AGBL1: variants seen among roughly 807,000 people sequenced by gnomAD.
AGBL1 encodes AGBL carboxypeptidase 1.
A neutral mutation model predicts 118.9 loss-of-function variants in AGBL1; 130 were observed. That is an observed-to-expected ratio of 1.09 (90% CI 0.95 to 1.26). AGBL1 has a LOEUF of 1.26. Ranked by LOEUF, AGBL1 falls within the 50% of genes most tolerant of loss-of-function variation. AGBL1 has a pLI of 0.00. For synonymous variants in AGBL1, 555 were observed against 478.9 expected, an observed-to-expected ratio of 1.16 and a Z score of -2.08; for missense variants, 1,584 against 1,298.1, an observed-to-expected ratio of 1.22 and a Z score of -3.38.
intron 17 of AGBL1, among the ~76,000 whole-genome samples, chr15:86,313,895 G>T (rs1046383342): frequency 6.6e-6 from 1 of 152,164 alleles, no homozygotes; most frequent in African/African-American, 2.4e-5. Flanking sequence ...TTCATTAAGT[G>T]GGAGCAGGCA....
At chr15:86,830,272 T>A (rs1306810044) in intron 22 of AGBL1, among the ~76,000 whole-genome samples, 1 of 152,130 alleles carries the variant, frequency 6.6e-6, no homozygotes, top group Admixed American at 6.6e-5. Context: ...ACTTCAGAAA[T>A]CTTTATGACC....
At chr15:86,446,846 C>T (rs956147342) in intron 18 of AGBL1, among the ~76,000 whole-genome samples, 1 of 152,074 alleles carries the variant, frequency 6.6e-6, no homozygotes, top group Admixed American at 6.5e-5. Flanking sequence ...GAGTTAGTTT[C>T]CTTGGTACTC....
chr15:86,785,789 G>T (rs760217089), intron 22 of AGBL1, among the ~76,000 whole-genome samples: 10 of 152,098 alleles, frequency 6.6e-5, no homozygotes, highest in Non-Finnish European at 7.4e-5. Flanking sequence ...TCAGGTAATC[G>T]AACCCCAAGA....
intron 24 of AGBL1, among the ~76,000 whole-genome samples, chr15:87,004,986 A>G (rs144160229): frequency 3.5e-4 from 54 of 152,254 alleles, no homozygotes; most frequent in African/African-American, 1.1e-3. Flanking sequence ...TGGGTTGAAA[A>G]TTATTTTGTT....
chr15:86,930,433 T>C (rs2080591602), intron 23 of AGBL1, among the ~76,000 whole-genome samples: 1 of 152,066 alleles, frequency 6.6e-6, no homozygotes, highest in Non-Finnish European at 1.5e-5. Flanking sequence ...GGAGGTCCAT[T>C]CTGTTGGGGG....
chr15:86,975,456 G>T (rs116587846), intron 23 of AGBL1, among the ~76,000 whole-genome samples: 4 of 151,958 alleles, frequency 2.6e-5, no homozygotes, highest in African/African-American at 9.7e-5. Flanking sequence ...CCCCTCCCAC[G>T]ACACCTGGGA....
chr15:86,453,122 CT>C (rs1444906251), intron 18 of AGBL1, among the ~76,000 whole-genome samples: 4 of 152,126 alleles, frequency 2.6e-5, no homozygotes, highest in Admixed American at 2.6e-4. Context: ...GGGACTTTGT[CT>C]TGTCTGCGAC....
intron 21 of AGBL1, among the ~76,000 whole-genome samples, chr15:86,606,126 C>CAAAAAAAAAAAAAAAAAAAAAAAA (rs10675845): frequency 1.0e-5 from 1 of 96,890 alleles, no homozygotes; most frequent in Non-Finnish European, 1.9e-5. Context: ...GACTCCATCT[C>CAAAAAAAAAAAAAAAAAAAAAAAA]AAAAAAAAAA....
intron 17 of AGBL1, among the ~76,000 whole-genome samples, chr15:86,310,384 G>A (rs1308419240): frequency 1.8e-4 from 28 of 151,874 alleles, no homozygotes; most frequent in Admixed American, 1.8e-3. Context: ...TAATTTCATT[G>A]ATCCAAAGAT....
Position 86,871,057 on chromosome 15 carries a change from C to A in AGBL1, c.3159-36030C>A, listed in dbSNP as rs147377588. Among the ~76,000 whole-genome samples the A allele has an allele frequency of 8.5e-3, 1,294 of 152,276 alleles. 66 individuals are homozygous for A. The highest frequency in any genetic ancestry group is 0.078 in the Admixed American group (1,188 of 15,280). ...CTCCCTCAACCCACATGATGCCTTC[C>A]TGTTGGAAACATTCCATGAAATTAG... On this transcript the variant is annotated intron_variant, in intron 22 of 22. Transcript: ENST00000614907.
intron 23 of AGBL1, among the ~76,000 whole-genome samples, chr15:86,943,842 C>T (rs926971836): frequency 6.6e-6 from 1 of 152,102 alleles, no homozygotes; most frequent in Non-Finnish European, 1.5e-5. Flanking sequence ...ACTCTCTTAC[C>T]CTCGCTGTCT....
chr15:86,928,051 T>G (rs1476903716), intron 23 of AGBL1, among the ~76,000 whole-genome samples: 1 of 152,130 alleles, frequency 6.6e-6, no homozygotes, highest in East Asian at 1.9e-4. Context: ...TAGAAATAAA[T>G]GTATAAAACA....
At position 86,143,749 on chromosome 15, in the gene AGBL1, C is replaced by G; in HGVS notation, c.166C>G (p.Leu56Val). ...GATCAGCAAGGGTGGCAGTGAAGCT[C>G]TTCTGCAGACCCTGGTAGACACAGC... is the stretch of plus-strand genomic sequence containing the variant. ...YMISKGGSEA[L>V]LQTLVDTART... The change falls in exon 3 of 23, where the codon CTT becomes GTT. Residue 56 changes from leucine (L) to valine (V), a missense_variant. By Grantham distance (32) the Leu-to-Val change is conservative. Transcript: ENST00000614907. 2 of 1,613,940 alleles carry G rather than the reference C, an allele frequency of 1.2e-6. No individual in the cohort carries two copies. Among genetic ancestry groups the G allele is most frequent in the Non-Finnish European group, 1.7e-6 (2 of 1,179,816 alleles).
chr15:86,408,571 T>C (rs796936286), intron 18 of AGBL1, among the ~76,000 whole-genome samples: 3 of 152,368 alleles, frequency 2.0e-5, no homozygotes, highest in African/African-American at 7.2e-5. Context: ...TTAGATTGCT[T>C]TGCTATTTTG....
chr15:86,827,490 T>C (rs796429288), intron 22 of AGBL1, among the ~76,000 whole-genome samples: 84 of 4,228 alleles, frequency 0.02, 4 homozygotes, highest in African/African-American at 0.038. Context: ...TATATGTGTG[T>C]ATATATATAT....
chr15:86,874,103 G>A (rs1484878236), intron 22 of AGBL1, among the ~76,000 whole-genome samples: 1 of 152,136 alleles, frequency 6.6e-6, no homozygotes, highest in Non-Finnish European at 1.5e-5. Context: ...AGCTATGGAA[G>A]TGCTTTGTTA....
intron 22 of AGBL1, among the ~76,000 whole-genome samples, chr15:86,698,269 G>T (rs1157766242): frequency 6.6e-6 from 1 of 151,974 alleles, no homozygotes; most frequent in Non-Finnish European, 1.5e-5. Flanking sequence ...CTGATGAACA[G>T]ACCTGGAGGG....
chr15:86,750,958 A>G (rs967854131), intron 22 of AGBL1, among the ~76,000 whole-genome samples: 8 of 152,042 alleles, frequency 5.3e-5, no homozygotes, highest in Non-Finnish European at 8.8e-5. Context: ...TGTCCCTGTA[A>G]AGGACATGAT....
rs545806282 is a variant in AGBL1, at chr15:86,817,402, ATGT to A, written c.3159-89681_3159-89679del. 4.9e-4 allele frequency among the ~76,000 whole-genome samples: 75 copies of A among 151,666 alleles called. No individual in the cohort carries two copies. In the South Asian group the frequency reaches 5.8e-3, roughly 12 times the overall value. On this transcript the variant is annotated intron_variant, in intron 22 of 22. Transcript: ENST00000614907. Reference sequence around the variant, plus strand: ...AATATGACCAAAGAAGATGACAGCGATGTTGTGGGTTGTGGCCTCAAGCTATTA... The same window carrying A: ...AATATGACCAAAGAAGATGACAGCGATGTGGGTTGTGGCCTCAAGCTATTA...
Sources: allele counts gnomAD v4.1 joint callset (sites outside exome capture counted in the v4.1 genomes callset), GRCh38; gene constraint gnomAD v4.1.1; transcripts MANE v1.5; gene names NCBI Gene and HGNC (gene_info 2026-07-23, HGNC 2026-07-21).